Variants in TSPAN32 observed in about 807,000 individuals in gnomAD.
TSPAN32 encodes tetraspanin 32.
A neutral mutation model predicts 42.7 loss-of-function variants in TSPAN32; 47 were observed. That is an observed-to-expected ratio of 1.10 (90% confidence interval 0.87 to 1.40). TSPAN32 has a LOEUF of 1.40. TSPAN32 is among the 40% of genes most tolerant of loss of function. TSPAN32 has a pLI of 0.00. For synonymous variants in TSPAN32, 175 were observed against 175.9 expected (o/e 0.99, Z 0.04); for missense variants, 469 against 424.1 (o/e 1.11, Z -0.93).
In TSPAN32 at chr11:2,308,165, G is replaced by A. The variant is rs1367226457; in HGVS notation, c.280-571G>A. The stretch of plus-strand genomic sequence containing the variant: ...CAGGCCCCTGGGGGCCAAAATGGGA[G>A]AACAAGGGATGAATTCCCAAAAAGC... On this transcript the variant is annotated intron_variant, in intron 3 of 9. Coordinates refer to ENST00000182290, the MANE Select transcript of TSPAN32 (RefSeq NM_139022.3). 3.3e-5 allele frequency among the ~76,000 whole-genome samples: 5 copies of A among 152,122 alleles called. No homozygotes were observed. The East Asian group carries it at 9.6e-4, about 29-fold the overall frequency.
chr11:2,306,547 GAGAGAGAAAGAGAGAA>G (rs200954652), intron 3 of TSPAN32, among the ~76,000 whole-genome samples: 4 of 149,888 alleles, frequency 2.7e-5, no homozygotes, highest in Admixed American at 2.7e-4. Context: ...GGTGGGGGGA[GAGAGAGAAAGAGAGAA>G]AGAGAGAAAG....
At chr11:2,309,470 T>A in intron 4 of TSPAN32, 1 of 421,054 alleles carries the variant, frequency 2.4e-6, no homozygotes, top group Non-Finnish European at 5.0e-6. Flanking sequence ...GAGAGCTCGG[T>A]AGCAGAGCCA....
chr11:2,316,414 C>A, intron 7 of TSPAN32, 102 bp downstream of exon 7: 1 of 1,544,552 alleles, frequency 6.5e-7, no homozygotes, highest in Non-Finnish European at 8.7e-7. Flanking sequence ...GATCTCTGGT[C>A]TTGAGCCTCA....
intron 3 of TSPAN32, among the ~76,000 whole-genome samples, chr11:2,305,381 C>CCCCA (rs369595963): frequency 6.6e-6 from 1 of 151,550 alleles, no homozygotes; most frequent in African/African-American, 2.4e-5. Flanking sequence ...CCCCCCCCCC[C>CCCCA]AGAGGGTGTG....
chr11:2,303,388 C>G (rs1347477969), intron 2 of TSPAN32: 4 of 217,682 alleles, frequency 1.8e-5, no homozygotes, highest in Non-Finnish European at 3.9e-5. Flanking sequence ...GGGGGCTGCT[C>G]TAGCCAGACG....
Position 2,302,903 on chromosome 11 carries a change from T to A in TSPAN32, c.126T>A (p.Ala42=), listed in dbSNP as rs981476569. Residue 42 remains alanine (A), a synonymous_variant, in exon 2 of 10, where the codon GCT becomes GCA. Transcript: ENST00000182290. ...TTACCTACTTCGGGGCCCACTTTGC[T>A]GTCATCCGCCGAGCGTCCCTGGAGA... ...VTLTYFGAHF[A]VIRRASLEKN... 2.5e-6 allele frequency: 4 copies of A among 1,613,676 alleles called. No homozygotes were observed. The highest frequency in any genetic ancestry group is 3.4e-6 in the Non-Finnish European group (4 of 1,179,848).
rs116179543 is a variant in TSPAN32, at chr11:2,312,230, G to A, written c.355-1424G>A. On this transcript the variant is annotated intron_variant, in intron 4 of 9. Transcript: ENST00000182290. The stretch of plus-strand genomic sequence containing the variant: ...TGGGAACAGTCATTGGAGTTGGGAG[G>A]GAAGCAGGAGGGGAGGTCCGAGCCA... 3.2e-3 allele frequency among the ~76,000 whole-genome samples: 495 copies of A among 152,312 alleles called. 2 individuals are homozygous for A. Among genetic ancestry groups the A allele is most frequent in the African/African-American group, 0.012 (478 of 41,562 alleles).
rs770456957 is a variant in TSPAN32, at chr11:2,302,944, C to A, written c.167C>A (p.Ala56Asp). ...TCCCTGGAGAAGAACCCGTACCAGG[C>A]TGTGCACCAATGGGGTAAGTGAGGT... ...RASLEKNPYQ[A>D]VHQWAFSAGL... Residue 56 changes from alanine to aspartate, a missense_variant, in exon 2 of 10, where the codon GCT (alanine) becomes GAT (aspartate). Coordinates refer to ENST00000182290, the MANE Select transcript of TSPAN32 (RefSeq NM_139022.3). 2.3e-5 allele frequency: 37 copies of A among 1,613,342 alleles called. No individual in the cohort carries two copies. Among genetic ancestry groups the A allele is most frequent in the Non-Finnish European group, 3.1e-5 (36 of 1,179,700 alleles).
At chr11:2,303,915 C>T (rs945888069) in intron 2 of TSPAN32, among the ~76,000 whole-genome samples, 192 bp from the exon 3 acceptor site, 3 of 152,138 alleles carry the variant, frequency 2.0e-5, no homozygotes, top group Admixed American at 6.5e-5. Context: ...GAGGGGCAGT[C>T]CCCCAGGCTG....
chr11:2,304,827 A>T lies in TSPAN32; in HGVS notation c.279+623A>T, dbSNP rs1228178276. On this transcript the variant is annotated intron_variant, in intron 3 of 9. Coordinates refer to ENST00000182290, the MANE Select transcript of TSPAN32 (RefSeq NM_139022.3). The surrounding 1 kb of genome is among the most constrained non-coding windows in gnomAD (Gnocchi z 4.8). ...CTTCTGTCTTGGTCCCTGCCACTCG[A>T]TGGTCATCGCAGACCCCACCTGGCG... Among the ~76,000 whole-genome samples the T allele has an allele frequency of 6.6e-6, 1 of 151,484 alleles. No homozygotes were observed. The highest frequency in any genetic ancestry group is 2.0e-4 in the East Asian group (1 of 5,108).
chr11:2,302,874 ACT>A lies in TSPAN32; in HGVS notation c.100_101del (p.Leu34TyrfsTer98). The A allele has an allele frequency of 1.9e-6, 3 of 1,613,066 alleles. No individual in the cohort carries two copies. Among genetic ancestry groups the A allele is most frequent in the African/African-American group, 1.3e-5 (1 of 74,810 alleles). On this transcript the variant is annotated frameshift_variant, in exon 2 of 10. Coordinates refer to ENST00000182290, the MANE Select transcript of TSPAN32 (RefSeq NM_139022.3). LOFTEE classifies it high-confidence loss of function. ...GGGCCTCTCTGTGGCCACCATGGTGACTCTTACCTACTTCGGGGCCCACTTTG... is the reference window on the plus strand; with the variant it reads ...GGGCCTCTCTGTGGCCACCATGGTGACTTACCTACTTCGGGGCCCACTTTG... Reference protein sequence around the residue: ...LLGLSVATMVTLTYFGAHFAV... With the variant: ...LLGLSVATMVXLTYFGAHFAV...
chr11:2,310,563 T>C (rs1344255848), intron 4 of TSPAN32, among the ~76,000 whole-genome samples: 2 of 152,206 alleles, frequency 1.3e-5, no homozygotes, highest in Admixed American at 6.5e-5. Context: ...TGGCATCATC[T>C]GTGTCAGGCC....
chr11:2,310,700 G>C (rs189838668), intron 4 of TSPAN32, among the ~76,000 whole-genome samples: 1 of 152,382 alleles, frequency 6.6e-6, no homozygotes, highest in Admixed American at 6.5e-5. Context: ...GGAGCACCAA[G>C]ATCCAGGGGC....
At chr11:2,310,267 T>C (rs1564961579) in intron 4 of TSPAN32, among the ~76,000 whole-genome samples, 1 of 152,106 alleles carries the variant, frequency 6.6e-6, no homozygotes, top group African/African-American at 2.4e-5. Flanking sequence ...GAGCCACAAT[T>C]CTGGAGGGGA....
intron 1 of TSPAN32, 86 bp downstream of exon 1, chr11:2,302,301 C>T: frequency 7.9e-7 from 1 of 1,264,970 alleles, no homozygotes; most frequent in Non-Finnish European, 1.0e-6. Flanking sequence ...GGGATTATCC[C>T]TCCCCTGACA....
chr11:2,315,348 G>C (rs1046984856), intron 6 of TSPAN32: 1 of 1,160,980 alleles, frequency 8.6e-7, no homozygotes, highest in Non-Finnish European at 1.1e-6. Context: ...AGGGCAGAAG[G>C]GCTGGCGCTG....
In TSPAN32 at chr11:2,313,635, C is replaced by T. The variant is rs777040189; in HGVS notation, c.355-19C>T. 8.2e-6 allele frequency: 13 copies of T among 1,586,228 alleles called. No homozygotes were observed. Among genetic ancestry groups the T allele is most frequent in the Non-Finnish European group, 1.0e-5 (12 of 1,166,254 alleles). ...ATCTCCCACCAGGGCCAGGACCTCC[C>T]TGTGGTCTCTCGGTGCAGGTGGAGG... On this transcript the variant is annotated intron_variant, in intron 4 of 9. Coordinates refer to ENST00000182290, the MANE Select transcript of TSPAN32 (RefSeq NM_139022.3). This position sits in a 1 kb window ranked among gnomAD's most constrained non-coding sequence, Gnocchi z 9.1.
At chr11:2,303,854 G>A (rs1847912146) in intron 2 of TSPAN32, among the ~76,000 whole-genome samples, 1 of 152,160 alleles carries the variant, frequency 6.6e-6, no homozygotes, top group South Asian at 2.1e-4. Context: ...GGAGCATGTG[G>A]CTTCCAAGAT....
chr11:2,309,135 G>A (rs1404194887), intron 4 of TSPAN32, among the ~76,000 whole-genome samples: 1 of 152,166 alleles, frequency 6.6e-6, no homozygotes, highest in African/African-American at 2.4e-5. Flanking sequence ...AGGGAATGAG[G>A]AGGAAGAAGA....
Sources: allele counts gnomAD v4.1 joint callset (sites outside exome capture counted in the v4.1 genomes callset), GRCh38; gene constraint gnomAD v4.1.1; non-coding constraint Gnocchi (gnomAD v3.1); transcripts MANE v1.5; gene names NCBI Gene and HGNC (gene_info 2026-07-23, HGNC 2026-07-21).